PLS1: variants seen among roughly 807,000 people sequenced by gnomAD.
PLS1 encodes plastin 1, also known as plastin-1.
In PLS1, 32 loss-of-function variants were observed where a neutral mutation model predicts 73.7. That is an observed-to-expected ratio of 0.43 (90% CI 0.33 to 0.58). The LOEUF (loss-of-function observed/expected upper bound fraction) is 0.58, where lower values mean the gene tolerates loss of function less well. Ranked by LOEUF, PLS1 falls within the 20% of genes least tolerant of loss-of-function variation. The probability of loss-of-function intolerance (pLI) is 0.04; values close to 1 mark genes in which losing one functional copy is unlikely to be tolerated. For synonymous variants in PLS1, 217 were observed against 261.3 expected, an observed-to-expected ratio of 0.83 and a Z score of 1.63; for missense variants, 633 against 740.5, an observed-to-expected ratio of 0.85 and a Z score of 1.68.
intron 1 of PLS1, among the ~76,000 whole-genome samples, chr3:142,640,234 A>G (rs953731744): frequency 6.6e-6 from 1 of 152,220 alleles, no homozygotes; most frequent in African/African-American, 2.4e-5. Context: ...TATGGGAGAA[A>G]AAATGAACTA....
At chr3:142,676,791 C>T (rs1277027299) in intron 5 of PLS1, among the ~76,000 whole-genome samples, 1 of 152,194 alleles carries the variant, frequency 6.6e-6, no homozygotes, top group Non-Finnish European at 1.5e-5. Flanking sequence ...GTGTGTACCA[C>T]AGTCCCAGCA....
chr3:142,679,831 G>C (rs867595734), intron 6 of PLS1, among the ~76,000 whole-genome samples: 1 of 152,250 alleles, frequency 6.6e-6, no homozygotes, highest in African/African-American at 2.4e-5. Context: ...GTAGCTTGAC[G>C]GGGATGGCAT....
chr3:142,650,174 T>G, intron 1 of PLS1, among the ~76,000 whole-genome samples: 1 of 151,818 alleles, frequency 6.6e-6, no homozygotes, highest in Non-Finnish European at 1.5e-5. Flanking sequence ...TTGTCTTTAC[T>G]GTTTGTTTTC....
At chr3:142,707,924 G>A (rs184822738) in intron 14 of PLS1, among the ~76,000 whole-genome samples, 2 of 152,272 alleles carry the variant, frequency 1.3e-5, no homozygotes, top group Admixed American at 6.5e-5. Flanking sequence ...ATAAAACAGA[G>A]CTTACTTCTG....
chr3:142,662,409 G>T (rs2037391220), intron 1 of PLS1, among the ~76,000 whole-genome samples: 1 of 152,020 alleles, frequency 6.6e-6, no homozygotes, highest in Admixed American at 6.6e-5. Flanking sequence ...ACACACCAGG[G>T]TCTATTGGGG....
chr3:142,603,453 G>A (rs2035961464), intron 1 of PLS1, among the ~76,000 whole-genome samples: 1 of 152,142 alleles, frequency 6.6e-6, no homozygotes, highest in East Asian at 1.9e-4. Flanking sequence ...TAAATTTTAT[G>A]ATTGACTTTT....
intron 1 of PLS1, among the ~76,000 whole-genome samples, chr3:142,657,398 C>G (rs1480657055): frequency 6.6e-6 from 1 of 152,234 alleles, no homozygotes; most frequent in African/African-American, 2.4e-5. Flanking sequence ...TTCCCAAAGA[C>G]TGAGGGAACC....
intron 1 of PLS1, among the ~76,000 whole-genome samples, chr3:142,622,306 C>T (rs950398880): frequency 2.0e-5 from 3 of 152,088 alleles, no homozygotes; most frequent in Non-Finnish European, 2.9e-5. Flanking sequence ...AGTGGACAGC[C>T]GGCAGTGTTT....
At position 142,711,516 on chromosome 3, in the gene PLS1, A is replaced by G. The variant is rs1363166793; in HGVS notation, c.1645A>G (p.Thr549Ala). ...TATTTTCTAGGATAAATCTATAAGC[A>G]CAAGTTTACCTGTCCTAGATTTAAT... The part of the protein sequence containing the change: ...ISSFKDKSIS[T>A]SLPVLDLIDA... The change falls in exon 15 of 16, where the codon ACA becomes GCA. Residue 549 changes from threonine (T) to alanine (A), a missense_variant. Physicochemically the swap from Thr to Ala is moderately conservative, Grantham distance 58. Transcript: ENST00000457734. 6 of 1,589,750 alleles carry G rather than the reference A, an allele frequency of 3.8e-6. No individual in the cohort carries two copies. Among genetic ancestry groups the G allele is most frequent in the Non-Finnish European group, 5.2e-6 (6 of 1,159,914 alleles).
chr3:142,680,043 A>G (rs894168616), intron 6 of PLS1, among the ~76,000 whole-genome samples: 1 of 152,098 alleles, frequency 6.6e-6, no homozygotes, highest in South Asian at 2.1e-4. Flanking sequence ...GCAATTGTGA[A>G]TGGGAGTTCA....
rs575585484 is a variant in PLS1 at position 142,688,237 on chromosome 3, C to A, written c.982-1381C>A. 5.3e-5 allele frequency among the ~76,000 whole-genome samples: 8 copies of A among 152,260 alleles called. No homozygotes were observed. The East Asian group carries it at 5.8e-4, about 11-fold the overall frequency. On this transcript the variant is annotated intron_variant, in intron 9 of 15. Coordinates refer to ENST00000457734, the MANE Select transcript of PLS1 (RefSeq NM_001145319.2). ...TGCTGGGATTACAGGCATGAGCCAC[C>A]ACGTCCAGCCACATATTGTCATTTT...
At chr3:142,694,343 A>G (rs1487913250) in intron 10 of PLS1, 126 bp from the exon 11 acceptor site, 6 of 507,160 alleles carry the variant, frequency 1.2e-5, no homozygotes, top group Admixed American at 6.9e-5. Context: ...CCTTTAAAGA[A>G]ACTGTAGTAT....
chr3:142,612,231 A>G (rs912742202), intron 1 of PLS1, among the ~76,000 whole-genome samples: 125 of 152,158 alleles, frequency 8.2e-4, no homozygotes, highest in African/African-American at 2.8e-3. Flanking sequence ...ATCAACTCCA[A>G]CTCTAACTCA....
chr3:142,611,369 C>T (rs530967057), intron 1 of PLS1, among the ~76,000 whole-genome samples: 1 of 152,134 alleles, frequency 6.6e-6, no homozygotes, highest in Non-Finnish European at 1.5e-5. Context: ...TGTCTGTAAT[C>T]CCAACACTTT....
intron 3 of PLS1, among the ~76,000 whole-genome samples, chr3:142,670,492 C>A (rs996125105): frequency 6.6e-6 from 1 of 152,018 alleles, no homozygotes; most frequent in African/African-American, 2.4e-5. Context: ...TAAAAAAAAA[C>A]CCAATCACTT....
Position 142,649,331 on chromosome 3 carries a change from A to G in PLS1, c.-36-14871A>G, listed in dbSNP as rs545162007. Among the ~76,000 whole-genome samples the G allele has an allele frequency of 6.9e-3, 638 of 91,824 alleles. 3 individuals carry two copies. The highest frequency in any genetic ancestry group is 0.011 in the Non-Finnish European group (466 of 44,020). 60.2% of individuals were successfully genotyped at this position (91,824 alleles called of 152,430 possible). A position where few individuals can be genotyped will look rare whatever the true frequency, so the allele number is the denominator to read the frequency against. On this transcript the variant is annotated intron_variant, in intron 1 of 15. Coordinates refer to ENST00000457734, the MANE Select transcript of PLS1 (RefSeq NM_001145319.2). ...AGTTTGGGTAACAGAGTGAGACCCT[A>G]TGTCAAAAAAAAAAAAAAAAAAGGC...
chr3:142,620,210 C>T (rs1247907070), intron 1 of PLS1, among the ~76,000 whole-genome samples: 3 of 151,986 alleles, frequency 2.0e-5, no homozygotes, highest in African/African-American at 7.3e-5. Flanking sequence ...CTGCAATCTC[C>T]GCCTCCCAGG....
intron 10 of PLS1, among the ~76,000 whole-genome samples, chr3:142,690,670 G>T (rs1296258907): frequency 6.6e-6 from 1 of 152,074 alleles, no homozygotes; most frequent in Admixed American, 6.5e-5. Context: ...ATCTTTGAAA[G>T]GATTCATTTA....
chr3:142,687,398 C>T (rs541437759), intron 9 of PLS1, among the ~76,000 whole-genome samples: 9 of 152,096 alleles, frequency 5.9e-5, no homozygotes, highest in East Asian at 5.8e-4. Flanking sequence ...AAATATATCA[C>T]GTACTTAAAG....
Sources: gnomAD v4.1 joint callset for allele counts (sites outside exome capture counted in the v4.1 genomes callset) on GRCh38, gnomAD v4.1.1 for gene constraint, MANE v1.5 for transcripts, NCBI Gene and HGNC (gene_info 2026-07-23, HGNC 2026-07-21) for gene names.